LIPT2: variants seen among roughly 807,000 people sequenced by gnomAD.
LIPT2 encodes lipoyl(octanoyl) transferase 2.
A neutral mutation model predicts 16.2 loss-of-function variants in LIPT2; 16 were observed. The ratio of observed to expected loss-of-function variants is 0.99; its 90% CI spans 0.67 to 1.50. LIPT2 has a LOEUF of 1.50. LIPT2 is among the 40% of genes most tolerant of loss of function. The pLI, the probability that LIPT2 is intolerant of heterozygous loss-of-function variation, is 0.00. For missense variants in LIPT2, 424 were observed against 347.7 expected (o/e 1.22, Z -1.75); for synonymous variants, 199 against 169.3 (o/e 1.18, Z -1.36).
In LIPT2 at chr11:74,493,420, C is replaced by CCCGGGCCGTGGAAGGTGG. The variant is rs1411408650; in HGVS notation, c.266_283dup (p.Ala89_Pro94dup). ...GAGTACCGGGTGGCAAAGCAGCTGGCCCGGGCCGTGGAAGGTGGCCAGGCC... is the reference window on the plus strand; with the variant it reads ...GAGTACCGGGTGGCAAAGCAGCTGGCCCGGGCCGTGGAAGGTGGCCGGGCCGTGGAAGGTGGCCAGGCC... On this transcript the variant is annotated inframe_insertion, in exon 1 of 2. Transcript: ENST00000310109. 1.7e-5 allele frequency: 26 copies of CCCGGGCCGTGGAAGGTGG among 1,509,742 alleles called. No individual in the cohort carries two copies. Among genetic ancestry groups the CCCGGGCCGTGGAAGGTGG allele is most frequent in the Non-Finnish European group, 2.2e-5 (25 of 1,136,220 alleles). 93.5% of individuals were successfully genotyped at this position (1,509,742 alleles called of 1,614,324 possible).
Position 74,492,120 on chromosome 11 carries a change from T to C in LIPT2, c.*15A>G, listed in dbSNP as rs778532915. ...CTTCCCAAGGCAGGAGCATCCTGGCTGTTATGAGTACTCTTCAGTTGGGGC... is the reference window on the plus strand; with the variant it reads ...CTTCCCAAGGCAGGAGCATCCTGGCCGTTATGAGTACTCTTCAGTTGGGGC... On this transcript the variant is annotated 3_prime_UTR_variant, in exon 2 of 2. Transcript: ENST00000310109. 6.5e-7 allele frequency: 1 copy of C among 1,538,942 alleles called. No homozygotes were observed. Among genetic ancestry groups the C allele is most frequent in the South Asian group, 1.2e-5 (1 of 83,842 alleles).
Position 74,492,276 on chromosome 11 carries a change from AC to A in LIPT2, c.554del (p.Cys185LeufsTer11). ...AAGTGACGCCTGTCCCAACCAGTCC[AC>A]AGGGCACGATGTGCTCAAACCACGT... ...DLTWFEHIVP[C>X]GLVGTGVTSL... is the part of the protein sequence containing the mutation. On this transcript the variant is annotated frameshift_variant, in exon 2 of 2. Transcript: ENST00000310109. LOFTEE classifies it high-confidence loss of function. 1.3e-6 allele frequency: 2 copies of A among 1,551,810 alleles called. No homozygotes were observed. The highest frequency in any genetic ancestry group is 1.7e-6 in the Non-Finnish European group (2 of 1,147,014).
Position 74,493,419 on chromosome 11 carries a change from G to T in LIPT2, c.285C>A (p.Gly95=), listed in dbSNP as rs1421046856. The T allele has an allele frequency of 1.3e-6, 2 of 1,509,846 alleles. No individual in the cohort carries two copies. Among genetic ancestry groups the T allele is most frequent in the African/African-American group, 2.9e-5 (2 of 69,524 alleles). 93.5% of individuals were successfully genotyped at this position (1,509,846 alleles called of 1,614,324 possible). A position where few individuals can be genotyped will look rare whatever the true frequency, so the allele number is the denominator to read the frequency against. ...CGAGTACCGGGTGGCAAAGCAGCTG[G>T]CCCGGGCCGTGGAAGGTGGCCAGGC... ...RGGLATFHGP[G]QLLCHPVLDL... The change falls in exon 1 of 2, where the codon GGC becomes GGA. Residue 95 remains glycine, a synonymous_variant. Coordinates refer to ENST00000310109, the MANE Select transcript of LIPT2 (RefSeq NM_001144869.3).
rs1234649403 is a variant in LIPT2 at position 74,492,385 on chromosome 11, T to A, written c.467-21A>T. 4 of 1,497,294 alleles carry A rather than the reference T, an allele frequency of 2.7e-6. No homozygotes were observed. The South Asian group carries it at 4.8e-5, about 18-fold the overall frequency. 92.8% of individuals were successfully genotyped at this position (1,497,294 alleles called of 1,614,324 possible). On this transcript the variant is annotated intron_variant, in intron 1 of 1. Transcript: ENST00000310109. ...GACTCCTGCAAGGCAAGCCAAAGGG[T>A]CTTAGAGTAGATACCCTCCACTCTC...
chr11:74,492,178 T>C lies in LIPT2; in HGVS notation c.653A>G (p.Glu218Gly), dbSNP rs1864352066. 1.9e-6 allele frequency: 3 copies of C among 1,551,592 alleles called. No homozygotes were observed. The highest frequency in any genetic ancestry group is 2.6e-6 in the Non-Finnish European group (3 of 1,146,964). ...VMPPFLVAFK[E>G]IYKCTLISED... ...TGAGATCAGTGTGCACTTGTAGATC[T>C]CCTTAAAGGCCACAAGGAAAGGTGG... Residue 218 changes from glutamate (E) to glycine (G), a missense_variant, in exon 2 of 2, where the codon GAG becomes GGG. Physicochemically the swap from Glu to Gly is moderately conservative, Grantham distance 98 (BLOSUM62 -2). Coordinates refer to ENST00000310109, the MANE Select transcript of LIPT2 (RefSeq NM_001144869.3).
At position 74,492,277 on chromosome 11, in the gene LIPT2, C is replaced by T. The variant is rs1484683863; in HGVS notation, c.554G>A (p.Cys185Tyr). Reference sequence around the variant, plus strand: ...AGTGACGCCTGTCCCAACCAGTCCACAGGGCACGATGTGCTCAAACCACGT... The same window carrying T: ...AGTGACGCCTGTCCCAACCAGTCCATAGGGCACGATGTGCTCAAACCACGT... ...DLTWFEHIVP[C>Y]GLVGTGVTSL... Residue 185 changes from cysteine (C) to tyrosine (Y), a missense_variant, in exon 2 of 2, where the codon TGT (cysteine) becomes TAT (tyrosine). By Grantham distance (194) the Cys-to-Tyr change is radical. Transcript: ENST00000310109. The T allele has an allele frequency of 6.4e-7, 1 of 1,551,676 alleles. No individual in the cohort carries two copies. The highest frequency in any genetic ancestry group is 8.7e-7 in the Non-Finnish European group (1 of 1,147,008).
rs1412795260 is a variant in LIPT2 at position 74,493,472 on chromosome 11, C to T, written c.232G>A (p.Ala78Thr). 1 of 1,476,708 alleles carries T rather than the reference C, an allele frequency of 6.8e-7. No individual in the cohort carries two copies. Among genetic ancestry groups the T allele is most frequent in the Non-Finnish European group, 8.9e-7 (1 of 1,120,672 alleles). The allele number at this position is 1,476,708 out of a possible 1,614,324, so 91.5% of individuals were successfully genotyped here. A position where few individuals can be genotyped will look rare whatever the true frequency, so the allele number is the denominator to read the frequency against. ...EETARLRALG[A>T]EVRVTGRGGL... ...CCGCGGCCTGTGACGCGCACCTCGG[C>T]GCCCAAGGCCCGTAGCCGCGCAGTT... The change falls in exon 1 of 2, where the codon GCC (alanine) becomes ACC (threonine). Residue 78 changes from alanine (A) to threonine (T), a missense_variant. Physicochemically the swap from Ala to Thr is moderately conservative, Grantham distance 58. Coordinates refer to ENST00000310109, the MANE Select transcript of LIPT2 (RefSeq NM_001144869.3).
rs562535449 is a variant in LIPT2 at position 74,493,378 on chromosome 11, C to T, written c.326G>A (p.Gly109Asp). 7 of 1,513,552 alleles carry T rather than the reference C, an allele frequency of 4.6e-6. No individual in the cohort carries two copies. Among genetic ancestry groups the T allele is most frequent in the Middle Eastern group, 1.9e-4 (1 of 5,390 alleles). 93.8% of individuals were successfully genotyped at this position (1,513,552 alleles called of 1,614,324 possible). A position where few individuals can be genotyped will look rare whatever the true frequency, so the allele number is the denominator to read the frequency against. ...CHPVLDLRRL[G>D]LRLRMHVASL... Reference sequence around the variant, plus strand: ...CGCTACGTGCATGCGCAAGCGCAGGCCGAGACGCCGCAGGTCGAGTACCGG... The same window carrying T: ...CGCTACGTGCATGCGCAAGCGCAGGTCGAGACGCCGCAGGTCGAGTACCGG... Residue 109 changes from glycine (G) to aspartate (D), a missense_variant, in exon 1 of 2, where the codon GGC becomes GAC. Gly to Asp is a moderately conservative substitution (Grantham distance 94). Coordinates refer to ENST00000310109, the MANE Select transcript of LIPT2 (RefSeq NM_001144869.3).
Position 74,493,401 on chromosome 11 carries a change from C to T in LIPT2, c.303G>A (p.Pro101=). ...FHGPGQLLCH[P]VLDLRRLGLR... is the part of the protein sequence containing the mutation. ...GGCCGAGACGCCGCAGGTCGAGTAC[C>T]GGGTGGCAAAGCAGCTGGCCCGGGC... is the stretch of plus-strand genomic sequence containing the variant. Residue 101 remains proline (P), a synonymous_variant, in exon 1 of 2, where the codon CCG becomes CCA. Transcript: ENST00000310109. 15 of 1,516,094 alleles carry T rather than the reference C, an allele frequency of 9.9e-6. No individual in the cohort carries two copies. The highest frequency in any genetic ancestry group is 1.3e-5 in the Non-Finnish European group (15 of 1,139,232). 93.9% of individuals were successfully genotyped at this position (1,516,094 alleles called of 1,614,324 possible).
Position 74,493,337 on chromosome 11 carries a change from C to G in LIPT2, c.367G>C (p.Ala123Pro), listed in dbSNP as rs190035247. 2 of 1,495,416 alleles carry G rather than the reference C, an allele frequency of 1.3e-6. No individual in the cohort carries two copies. Among genetic ancestry groups the G allele is most frequent in the East Asian group, 2.7e-5 (1 of 37,006 alleles). The allele number at this position is 1,495,416 out of a possible 1,614,324, so 92.6% of individuals were successfully genotyped here. ...RMHVASLEACAVRLCELQGLQ... is the reference protein window; with the variant it reads ...RMHVASLEACPVRLCELQGLQ... ...CCCTGGAGCTCGCACAGGCGCACGG[C>G]GCACGCCTCCAGCGACGCTACGTGC... Residue 123 changes from alanine (A) to proline (P), a missense_variant, in exon 1 of 2, where the codon GCC becomes CCC. Ala to Pro is a conservative substitution (Grantham distance 27, BLOSUM62 -1). Coordinates refer to ENST00000310109, the MANE Select transcript of LIPT2 (RefSeq NM_001144869.3).
At position 74,493,600 on chromosome 11, in the gene LIPT2, C is replaced by A; in HGVS notation, c.104G>T (p.Gly35Val). 1 of 1,455,280 alleles carries A rather than the reference C, an allele frequency of 6.9e-7. No homozygotes were observed. The highest frequency in any genetic ancestry group is 1.3e-5 in the South Asian group (1 of 74,818). The allele number at this position is 1,455,280 out of a possible 1,614,324, so 90.1% of individuals were successfully genotyped here. A position where few individuals can be genotyped will look rare whatever the true frequency, so the allele number is the denominator to read the frequency against. The change falls in exon 1 of 2, where the codon GGC becomes GTC. Residue 35 changes from glycine to valine, a missense_variant. Gly to Val is a moderately radical substitution (Grantham distance 109). Transcript: ENST00000310109. The part of the protein sequence containing the change: ...RWLRRLQAEP[G>V]IEAPSGTEAG... ...CTCAGTCCCCGACGGGGCCTCAATGCCTGGCTCGGCCTGCAGCCGCCGCAG... is the reference window on the plus strand; with the variant it reads ...CTCAGTCCCCGACGGGGCCTCAATGACTGGCTCGGCCTGCAGCCGCCGCAG...
Position 74,493,680 on chromosome 11 carries a change from C to G in LIPT2, c.24G>C (p.Leu8Phe). MRQPAVR[L>F]VRLGRVPYAE... ...CGTACGGCACCCGACCCAGGCGCAC[C>G]AACCGAACGGCGGGTTGCCGCATCG... is the stretch of plus-strand genomic sequence containing the variant. Residue 8 changes from leucine (L) to phenylalanine (F), a missense_variant, in exon 1 of 2, where the codon TTG (leucine) becomes TTC (phenylalanine). Leu to Phe is a conservative substitution (Grantham distance 22). Transcript: ENST00000310109. 1 of 1,410,656 alleles carries G rather than the reference C, an allele frequency of 7.1e-7. No homozygotes were observed. 87.4% of individuals were successfully genotyped at this position (1,410,656 alleles called of 1,614,324 possible).
rs541606354 is a variant in LIPT2, at chr11:74,493,326, C to T, written c.378G>A (p.Leu126=). ...CGTCCTGCAGGCCCTGGAGCTCGCA[C>T]AGGCGCACGGCGCACGCCTCCAGCG... ...VASLEACAVR[L]CELQGLQDAR... Residue 126 remains leucine (L), a synonymous_variant, in exon 1 of 2, where the codon CTG becomes CTA. Transcript: ENST00000310109. The T allele has an allele frequency of 6.8e-7, 1 of 1,476,412 alleles. No homozygotes were observed. Among genetic ancestry groups the T allele is most frequent in the South Asian group, 1.3e-5 (1 of 77,450 alleles). 91.5% of individuals were successfully genotyped at this position (1,476,412 alleles called of 1,614,324 possible).
chr11:74,492,377 C>G lies in LIPT2; in HGVS notation c.467-13G>C. ...CCACAGCGGACTCCTGCAAGGCAAG[C>G]CAAAGGGTCTTAGAGTAGATACCCT... On this transcript the variant is annotated splice_polypyrimidine_tract_variant and intron_variant, in intron 1 of 1. Coordinates refer to ENST00000310109, the MANE Select transcript of LIPT2 (RefSeq NM_001144869.3). 1.3e-6 allele frequency: 2 copies of G among 1,535,924 alleles called. No homozygotes were observed. The highest frequency in any genetic ancestry group is 2.4e-5 in the South Asian group (2 of 83,798).
In LIPT2 at chr11:74,493,419, G is replaced by C. The variant is rs1421046856; in HGVS notation, c.285C>G (p.Gly95=). 2.0e-6 allele frequency: 3 copies of C among 1,509,962 alleles called. No homozygotes were observed. Among genetic ancestry groups the C allele is most frequent in the East Asian group, 5.3e-5 (2 of 37,694 alleles). The allele number at this position is 1,509,962 out of a possible 1,614,324, so 93.5% of individuals were successfully genotyped here. The change falls in exon 1 of 2, where the codon GGC becomes GGG. Residue 95 remains glycine (G), a synonymous_variant. Coordinates refer to ENST00000310109, the MANE Select transcript of LIPT2 (RefSeq NM_001144869.3). ...RGGLATFHGP[G]QLLCHPVLDL... is the part of the protein sequence containing the mutation. Reference sequence around the variant, plus strand: ...CGAGTACCGGGTGGCAAAGCAGCTGGCCCGGGCCGTGGAAGGTGGCCAGGC... The same window carrying C: ...CGAGTACCGGGTGGCAAAGCAGCTGCCCCGGGCCGTGGAAGGTGGCCAGGC...
rs1486919435 is a variant in LIPT2, at chr11:74,493,360, T to G, written c.344A>C (p.His115Pro). 1 of 1,510,256 alleles carries G rather than the reference T, an allele frequency of 6.6e-7. No individual in the cohort carries two copies. Among genetic ancestry groups the G allele is most frequent in the Non-Finnish European group, 8.8e-7 (1 of 1,136,220 alleles). 93.6% of individuals were successfully genotyped at this position (1,510,256 alleles called of 1,614,324 possible). Reference sequence around the variant, plus strand: ...GGCGCACGCCTCCAGCGACGCTACGTGCATGCGCAAGCGCAGGCCGAGACG... The same window carrying G: ...GGCGCACGCCTCCAGCGACGCTACGGGCATGCGCAAGCGCAGGCCGAGACG... ...LRRLGLRLRM[H>P]VASLEACAVR... The change falls in exon 1 of 2, where the codon CAC becomes CCC. Residue 115 changes from histidine (H) to proline (P), a missense_variant. Transcript: ENST00000310109.
chr11:74,493,676 G>C lies in LIPT2; in HGVS notation c.28C>G (p.Arg10Gly). 2.1e-6 allele frequency: 3 copies of C among 1,411,176 alleles called. No homozygotes were observed. The highest frequency in any genetic ancestry group is 1.8e-6 in the Non-Finnish European group (2 of 1,088,896). 87.4% of individuals were successfully genotyped at this position (1,411,176 alleles called of 1,614,324 possible). A position where few individuals can be genotyped will look rare whatever the true frequency, so the allele number is the denominator to read the frequency against. MRQPAVRLV[R>G]LGRVPYAELL... The stretch of plus-strand genomic sequence containing the variant: ...TCGGCGTACGGCACCCGACCCAGGC[G>C]CACCAACCGAACGGCGGGTTGCCGC... The change falls in exon 1 of 2, where the codon CGC becomes GGC. Residue 10 changes from arginine to glycine, a missense_variant. Coordinates refer to ENST00000310109, the MANE Select transcript of LIPT2 (RefSeq NM_001144869.3).
In LIPT2 at chr11:74,493,561, AG is replaced by A. The variant is rs1185232713; in HGVS notation, c.142del (p.Leu48CysfsTer18). On this transcript the variant is annotated frameshift_variant, in exon 1 of 2. Transcript: ENST00000310109. LOFTEE classifies it high-confidence loss of function. Reference protein sequence around the residue: ...APSGTEAGALLLCEPAGPVYT... With the variant: ...APSGTEAGALXLCEPAGPVYT... ...CACGGGCCCCGCGGGCTCGCAGAGC[AG>A]GAGCGCGCCCGCCTCAGTCCCCGAC... is the stretch of plus-strand genomic sequence containing the variant. The A allele has an allele frequency of 1.1e-5, 16 of 1,435,626 alleles. No individual in the cohort carries two copies. Among genetic ancestry groups the A allele is most frequent in the Non-Finnish European group, 1.5e-5 (16 of 1,099,388 alleles). The allele number at this position is 1,435,626 out of a possible 1,614,324, so 88.9% of individuals were successfully genotyped here.
In LIPT2 at chr11:74,493,209, C is replaced by T. The variant is rs1480537943; in HGVS notation, c.466+29G>A. 3.0e-6 allele frequency: 4 copies of T among 1,319,350 alleles called. No homozygotes were observed. The African/African-American group carries it at 4.6e-5, about 15-fold the overall frequency. The allele number at this position is 1,319,350 out of a possible 1,614,324, so 81.7% of individuals were successfully genotyped here. A position where few individuals can be genotyped will look rare whatever the true frequency, so the allele number is the denominator to read the frequency against. On this transcript the variant is annotated intron_variant, in intron 1 of 1. Transcript: ENST00000310109. ...GGCCTCAAGCTCCGACCTCGGCTCT[C>T]AGGTACCGCCCTGCTCCGCGGCGCT...
Sources: allele counts gnomAD v4.1 joint callset, GRCh38; gene constraint gnomAD v4.1.1; transcripts MANE v1.5; gene names NCBI Gene and HGNC (gene_info 2026-07-23, HGNC 2026-07-21).